Variants in HEMK2 observed in about 807,000 individuals in gnomAD.
The protein encoded by HEMK2 is methyltransferase HEMK2.
At chr21:28,831,718 GGAAGGAAGGAAGGAAGGAAAGAAA>G in the HEMK2 span, among the ~76,000 whole-genome samples, 16 of 70,320 alleles carry the variant, frequency 2.3e-4, no homozygotes, top group African/African-American at 8.3e-4. Flanking sequence ...AAGGAAGGAA[GGAAGGAAGGAAGGAAGGAAAGAAA>G]GAAAGAAAGA....
At chr21:28,634,328 T>C in the HEMK2 span, among the ~76,000 whole-genome samples, 1 of 152,162 alleles carries the variant, frequency 6.6e-6, no homozygotes, top group African/African-American at 2.4e-5. Context: ...TCTCCTCCTT[T>C]GCTGAGAGGC....
chr21:28,699,558 T>C, the HEMK2 span, among the ~76,000 whole-genome samples: 2 of 152,230 alleles, frequency 1.3e-5, no homozygotes, highest in African/African-American at 4.8e-5. Context: ...AAAGTATCAT[T>C]GGCATTTTAG....
the HEMK2 span, among the ~76,000 whole-genome samples, chr21:28,832,027 GAATGTATATTTATGTAGC>G: frequency 2.0e-5 from 3 of 152,116 alleles, no homozygotes; most frequent in Non-Finnish European, 4.4e-5. Context: ...TTTTAACAAG[GAATGTATATTTATGTAGC>G]ACTCTCAGAC....
the HEMK2 span, among the ~76,000 whole-genome samples, chr21:28,728,252 C>G: frequency 1.3e-5 from 2 of 152,188 alleles, no homozygotes; most frequent in African/African-American, 4.8e-5. Context: ...TTAATGTCCT[C>G]TAAAATAAAA....
the HEMK2 span, among the ~76,000 whole-genome samples, chr21:28,827,782 G>C: frequency 6.6e-6 from 1 of 152,098 alleles, no homozygotes; most frequent in Admixed American, 6.5e-5. Context: ...GCTTTGATGA[G>C]TTCTTACAAG....
At chr21:28,878,340 A>G in the HEMK2 span, 1 of 1,612,098 alleles carries the variant, frequency 6.2e-7, no homozygotes, top group Non-Finnish European at 8.5e-7. Context: ...CTACCTGTGA[A>G]CAATTAGAAA....
At chr21:28,678,320 G>T in the HEMK2 span, among the ~76,000 whole-genome samples, 3 of 152,144 alleles carry the variant, frequency 2.0e-5, no homozygotes, top group Non-Finnish European at 4.4e-5. Context: ...TGAACGAAAT[G>T]AAACGAGAAG....
the HEMK2 span, among the ~76,000 whole-genome samples, chr21:28,647,722 T>G: frequency 6.6e-6 from 1 of 152,018 alleles, no homozygotes; most frequent in African/African-American, 2.4e-5. Context: ...TTACATGAAG[T>G]GAATGGACAC....
chr21:28,767,464 C>G, the HEMK2 span, among the ~76,000 whole-genome samples: 10 of 151,682 alleles, frequency 6.6e-5, no homozygotes, highest in African/African-American at 2.4e-4. Context: ...ATTATTGAGA[C>G]TACAGAGCAC....
chr21:28,764,813 C>T, the HEMK2 span, among the ~76,000 whole-genome samples: 3 of 152,220 alleles, frequency 2.0e-5, no homozygotes, highest in African/African-American at 2.4e-5. Flanking sequence ...GGTATTTCAG[C>T]AAATCATAAA....
chr21:28,839,000 T>TATATACATATATATATATATAC, the HEMK2 span, among the ~76,000 whole-genome samples: 1 of 58,016 alleles, frequency 1.7e-5, no homozygotes, highest in Non-Finnish European at 3.2e-5. Context: ...TATATATATA[T>TATATACATATATATATATATAC]ACATATATAT....
At chr21:28,726,977 G>A in the HEMK2 span, among the ~76,000 whole-genome samples, 7 of 152,052 alleles carry the variant, frequency 4.6e-5, no homozygotes, top group Admixed American at 1.3e-4. Context: ...CCAGTTATCA[G>A]ATCAATTAGT....
At chr21:28,847,682 G>A in the HEMK2 span, among the ~76,000 whole-genome samples, 1 of 152,172 alleles carries the variant, frequency 6.6e-6, no homozygotes, top group African/African-American at 2.4e-5. Context: ...TCTTCATCAT[G>A]AAGACTTTGC....
chr21:28,585,329 C>CTAAA, the HEMK2 span, among the ~76,000 whole-genome samples: 93,662 of 141,158 alleles, frequency 0.66, 32,328 homozygotes, highest in Non-Finnish European at 0.76. Context: ...AAGACTCTGT[C>CTAAA]TAAATAAATA....
the HEMK2 span, among the ~76,000 whole-genome samples, chr21:28,754,979 GGC>G: frequency 6.6e-6 from 1 of 152,172 alleles, no homozygotes; most frequent in Non-Finnish European, 1.5e-5. Context: ...AACTGGCAAA[GGC>G]TTCTTGAGGG....
chr21:28,752,695 C>T, the HEMK2 span, among the ~76,000 whole-genome samples: 1 of 152,200 alleles, frequency 6.6e-6, no homozygotes, highest in Admixed American at 6.5e-5. Context: ...GCCTTGTGTC[C>T]TTAGCAAGTC....
chr21:28,871,099 T>G, the HEMK2 span, among the ~76,000 whole-genome samples: 1 of 152,256 alleles, frequency 6.6e-6, no homozygotes. Context: ...GTATTTTTCT[T>G]TATTTTACAT....
chr21:28,857,515 C>T, the HEMK2 span, among the ~76,000 whole-genome samples: 1 of 152,080 alleles, frequency 6.6e-6, no homozygotes, highest in Non-Finnish European at 1.5e-5. Flanking sequence ...ATTTGTCTCT[C>T]ATGATAGTTT....
At chr21:28,827,612 C>A in the HEMK2 span, among the ~76,000 whole-genome samples, 2 of 152,184 alleles carry the variant, frequency 1.3e-5, no homozygotes, top group Non-Finnish European at 2.9e-5. Flanking sequence ...AACTAGTTTA[C>A]CCTCAGTCTG....
Sources: gnomAD v4.1 joint callset for allele counts (sites outside exome capture counted in the v4.1 genomes callset) on GRCh38, gnomAD v4.1.1 for gene constraint, MANE v1.5 for transcripts, NCBI Gene and HGNC (gene_info 2026-07-23, HGNC 2026-07-21) for gene names.